Variants in VWA5A observed in about 807,000 individuals in gnomAD.
VWA5A encodes von Willebrand factor A domain containing 5A.
Under a neutral mutation model 84.6 loss-of-function variants are expected in VWA5A, and 77 were observed. That is an observed-to-expected ratio of 0.91 (90% confidence interval 0.76 to 1.10). The LOEUF (loss-of-function observed/expected upper bound fraction) is 1.10. VWA5A is among the 50% of genes least tolerant of loss of function. The probability of loss-of-function intolerance (pLI) is 0.00; values close to 1 mark genes in which losing one functional copy is unlikely to be tolerated. For synonymous variants in VWA5A, 334 were observed against 350.1 expected (o/e 0.95, Z 0.51); for missense variants, 973 against 963.0 (o/e 1.01, Z -0.14).
At chr11:124,145,089 CCTTGCAAGTAGTAT>C in intron 17 of VWA5A, 134 bp from the exon 18 acceptor site, 1 of 940,056 alleles carries the variant, frequency 1.1e-6, no homozygotes, top group South Asian at 2.5e-5. Flanking sequence ...TGGCATTATG[CCTTGCAAGTAGTAT>C]CTGGAGGTAA....
intron 3 of VWA5A, 24 bp from the exon 4 acceptor site, chr11:124,117,649 A>T (rs1303901653): frequency 1.2e-6 from 2 of 1,614,004 alleles, no homozygotes; most frequent in African/African-American, 2.7e-5. Context: ...AGCTTGATGA[A>T]CTTGAACTCT....
chr11:124,135,282 A>G (rs1045374947), intron 12 of VWA5A, among the ~76,000 whole-genome samples: 3 of 152,178 alleles, frequency 2.0e-5, no homozygotes, highest in African/African-American at 7.2e-5. Context: ...AGATGCTGAC[A>G]GGGATCTGGG....
At chr11:124,142,061 C>A (rs544855141) in intron 16 of VWA5A, among the ~76,000 whole-genome samples, 43 of 152,228 alleles carry the variant, frequency 2.8e-4, no homozygotes, top group Admixed American at 5.9e-4. Context: ...AGATTTGTTC[C>A]GCCCCTATGT....
chr11:124,123,425 A>G lies in VWA5A; in HGVS notation c.990A>G (p.Gly330=). 6.2e-7 allele frequency: 1 copy of G among 1,614,046 alleles called. No homozygotes were observed. Among genetic ancestry groups the G allele is most frequent in the Non-Finnish European group, 8.5e-7 (1 of 1,180,014 alleles). ...LPIGCYFNIY[G]FGSSYEACFP... ...TAGGCTGTTATTTCAACATCTATGG[A>G]TTTGGCTCTTCCTATGAGGCATGCT... The change falls in exon 9 of 19, where the codon GGA becomes GGG. Residue 330 remains glycine, a synonymous_variant. Transcript: ENST00000456829.
Position 124,135,044 on chromosome 11 carries a change from A to G in VWA5A, c.1359+10A>G. The stretch of plus-strand genomic sequence containing the variant: ...CAGGATGCAGTCCAAGGTGAGGGAC[A>G]GACTGACTGTGTCTGTCTGGAGGTG... On this transcript the variant is annotated intron_variant, in intron 12 of 18. Coordinates refer to ENST00000456829, the MANE Select transcript of VWA5A (RefSeq NM_001130142.2). 1 of 1,608,436 alleles carries G rather than the reference A, an allele frequency of 6.2e-7. No homozygotes were observed. The highest frequency in any genetic ancestry group is 1.1e-5 in the South Asian group (1 of 89,584).
At chr11:124,115,588 GC>G (rs1864814629) in intron 1 of VWA5A, 106 bp downstream of exon 1, 1 of 152,134 alleles carries the variant, frequency 6.6e-6, no homozygotes, top group Non-Finnish European at 1.5e-5. Context: ...ATTTGTAGGG[GC>G]TCCTTGAATT....
chr11:124,134,103 A>C (rs1166296555), intron 11 of VWA5A, among the ~76,000 whole-genome samples: 1 of 152,232 alleles, frequency 6.6e-6, no homozygotes, highest in South Asian at 2.1e-4. Context: ...TCATGTTAGA[A>C]ATTTAAAGGT....
chr11:124,137,210 C>G lies in VWA5A; in HGVS notation c.1821C>G (p.Asp607Glu). ...KPVQGPLAHR[D>E]VPRPILLGAS... is the part of the protein sequence containing the mutation. Reference sequence around the variant, plus strand: ...TTCAGGGGCCTCTGGCTCATAGGGACGTCCCAAGGCCAATTCTGTTGGGTG... The same window carrying G: ...TTCAGGGGCCTCTGGCTCATAGGGAGGTCCCAAGGCCAATTCTGTTGGGTG... Residue 607 changes from aspartate to glutamate, a missense_variant, in exon 15 of 19, where the codon GAC (aspartate) becomes GAG (glutamate). Coordinates refer to ENST00000456829, the MANE Select transcript of VWA5A (RefSeq NM_001130142.2). 1 of 1,614,100 alleles carries G rather than the reference C, an allele frequency of 6.2e-7. No homozygotes were observed. Among genetic ancestry groups the G allele is most frequent in the Non-Finnish European group, 8.5e-7 (1 of 1,180,032 alleles).
At chr11:124,140,108 A>C (rs1860698000) in intron 15 of VWA5A, among the ~76,000 whole-genome samples, 1 of 152,174 alleles carries the variant, frequency 6.6e-6, no homozygotes, top group South Asian at 2.1e-4. Flanking sequence ...ATGTTTATTG[A>C]ACCAACTTTT....
chr11:124,133,682 T>C (rs1407721170), intron 11 of VWA5A, among the ~76,000 whole-genome samples: 1 of 152,106 alleles, frequency 6.6e-6, no homozygotes, highest in Non-Finnish European at 1.5e-5. Flanking sequence ...TCAGCTCATC[T>C]CTCCATGCCT....
intron 8 of VWA5A, 79 bp downstream of exon 8, chr11:124,123,208 G>A: frequency 6.5e-7 from 1 of 1,549,402 alleles, no homozygotes; most frequent in Non-Finnish European, 8.7e-7. Context: ...GGGTCTATCT[G>A]GAGCCTGAGA....
chr11:124,133,588 G>A (rs1591362648), intron 11 of VWA5A, among the ~76,000 whole-genome samples: 1 of 152,132 alleles, frequency 6.6e-6, no homozygotes, highest in African/African-American at 2.4e-5. Flanking sequence ...ATTGCTGTGA[G>A]CAGAACTTTC....
intron 11 of VWA5A, among the ~76,000 whole-genome samples, chr11:124,133,345 C>T (rs374209903): frequency 7.9e-5 from 12 of 152,118 alleles, no homozygotes; most frequent in East Asian, 3.8e-4. Context: ...TTGTTCCTCC[C>T]GCCTGCGTGT....
chr11:124,124,334 T>A lies in VWA5A; in HGVS notation c.1244+18T>A. 1.2e-6 allele frequency: 2 copies of A among 1,612,664 alleles called. No homozygotes were observed. The highest frequency in any genetic ancestry group is 1.7e-6 in the Non-Finnish European group (2 of 1,179,276). ...AAACACAGGTAGGAAGAAAATGTGA[T>A]TTCCGGGTGATTGGTGCTGAGTAGT... On this transcript the variant is annotated intron_variant, in intron 11 of 18. Coordinates refer to ENST00000456829, the MANE Select transcript of VWA5A (RefSeq NM_001130142.2).
chr11:124,119,186 G>C, intron 7 of VWA5A, 97 bp downstream of exon 7: 1 of 1,143,462 alleles, frequency 8.7e-7, no homozygotes, highest in Non-Finnish European at 1.3e-6. Context: ...TCCCTCCAGG[G>C]GTGGTTAATA....
At chr11:124,144,256 A>C (rs940273735) in intron 17 of VWA5A, among the ~76,000 whole-genome samples, 2 of 152,182 alleles carry the variant, frequency 1.3e-5, no homozygotes, top group Non-Finnish European at 2.9e-5. Context: ...CCAACTCTAC[A>C]GGTAGAGAAG....
At chr11:124,119,531 G>T (rs966793310) in intron 7 of VWA5A, among the ~76,000 whole-genome samples, 1 of 152,228 alleles carries the variant, frequency 6.6e-6, no homozygotes, top group African/African-American at 2.4e-5. Flanking sequence ...GGCCATATGT[G>T]TTAAATCAAT....
Position 124,145,288 on chromosome 11 carries a change from A to C in VWA5A, c.2206A>C (p.Ser736Arg), listed in dbSNP as rs1186679028. Residue 736 changes from serine to arginine, a missense_variant, in exon 18 of 19, where the codon AGC (serine) becomes CGC (arginine). Transcript: ENST00000456829. Reference protein sequence around the residue: ...ATILAVIWLHSNGKDLKCEWE... With the variant: ...ATILAVIWLHRNGKDLKCEWE... ...CATCCTGGCCGTGATCTGGCTGCACAGCAATGGTAAGGACTTGAAGTGTGA... is the reference window on the plus strand; with the variant it reads ...CATCCTGGCCGTGATCTGGCTGCACCGCAATGGTAAGGACTTGAAGTGTGA... 1 of 1,613,896 alleles carries C rather than the reference A, an allele frequency of 6.2e-7. No homozygotes were observed. The highest frequency in any genetic ancestry group is 1.1e-5 in the South Asian group (1 of 91,052).
intron 11 of VWA5A, among the ~76,000 whole-genome samples, chr11:124,133,222 C>T (rs1865123598): frequency 6.6e-6 from 1 of 152,096 alleles, no homozygotes; most frequent in Non-Finnish European, 1.5e-5. Flanking sequence ...GCGGTGATGG[C>T]TGGTCTATTT....
Sources: gnomAD v4.1 joint callset for allele counts (sites outside exome capture counted in the v4.1 genomes callset) on GRCh38, gnomAD v4.1.1 for gene constraint, MANE v1.5 for transcripts, NCBI Gene and HGNC (gene_info 2026-07-23, HGNC 2026-07-21) for gene names.